TNS3: variants seen among roughly 807,000 people sequenced by gnomAD.
The protein encoded by TNS3 is tensin 3, also known as tensin-3.
A neutral mutation model predicts 140.9 loss-of-function variants in TNS3; 45 were observed. The ratio of observed to expected loss-of-function variants is 0.32; its 90% confidence interval spans 0.25 to 0.41. The LOEUF is 0.41. TNS3 is among the 10% of genes least tolerant of loss of function. TNS3 has a pLI of 1.00. For synonymous variants in TNS3, 815 were observed against 788.4 expected (o/e 1.03, Z -0.56); for missense variants, 1,716 against 1,906.7 (o/e 0.90, Z 1.86).
In TNS3 at chr7:47,294,453, TGA is replaced by T. The variant is rs1785890785; in HGVS notation, c.3677-627_3677-626del. Reference sequence around the variant, plus strand: ...AAAGCCACTGAATGGCAAAACTATCTGAGAGTGGAAAAGTACAAACAGCACAA... The same window carrying T: ...AAAGCCACTGAATGGCAAAACTATCTGAGTGGAAAAGTACAAACAGCACAA... On this transcript the variant is annotated intron_variant, in intron 24 of 30. Transcript: ENST00000311160. Among the ~76,000 whole-genome samples the T allele has an allele frequency of 2.0e-5, 3 of 152,306 alleles. No homozygotes were observed. The South Asian group carries it at 6.2e-4, about 32-fold the overall frequency.
chr7:47,509,148 G>C (rs1311379000), intron 2 of TNS3, among the ~76,000 whole-genome samples: 1 of 152,246 alleles, frequency 6.6e-6, no homozygotes, highest in Non-Finnish European at 1.5e-5. Flanking sequence ...AAGGGTGGCA[G>C]TGGTATGATA....
chr7:47,385,249 G>A (rs777165810), intron 16 of TNS3, among the ~76,000 whole-genome samples: 3 of 152,138 alleles, frequency 2.0e-5, no homozygotes, highest in Admixed American at 1.3e-4. Context: ...ATTCACAGCC[G>A]GCGACCAAGC....
chr7:47,413,896 C>T (rs373712427), intron 12 of TNS3, 41 bp downstream of exon 12: 3 of 1,612,240 alleles, frequency 1.9e-6, no homozygotes, highest in Non-Finnish European at 8.5e-7. Context: ...CCTGAGCCGT[C>T]CAGGTCCCAC....
At chr7:47,474,605 CAA>C (rs1797102371) in intron 4 of TNS3, among the ~76,000 whole-genome samples, 1 of 148,022 alleles carries the variant, frequency 6.8e-6, no homozygotes, top group East Asian at 2.1e-4. Context: ...ACCTCACACA[CAA>C]AACACCTCAC....
intron 22 of TNS3, 32 bp downstream of exon 22, chr7:47,302,918 G>A (rs543037769): frequency 6.4e-7 from 1 of 1,565,848 alleles, no homozygotes; most frequent in African/African-American, 1.4e-5. Flanking sequence ...ATGGACAGAG[G>A]GGCCCTTCCA....
chr7:47,536,734 C>A (rs2151955997), intron 1 of TNS3, among the ~76,000 whole-genome samples: 1 of 152,334 alleles, frequency 6.6e-6, no homozygotes, highest in Admixed American at 6.5e-5. Context: ...TGCGCGTGCA[C>A]ACACAAGGGT....
intron 8 of TNS3, among the ~76,000 whole-genome samples, chr7:47,430,130 T>TC (rs1491261869): frequency 1.7e-4 from 22 of 128,422 alleles, no homozygotes; most frequent in Non-Finnish European, 2.9e-4. Context: ...TCTTTTCTTT[T>TC]CTTTTTTTTT....
At chr7:47,428,068 C>T (rs558157175) in intron 9 of TNS3, among the ~76,000 whole-genome samples, 114 of 152,070 alleles carry the variant, frequency 7.5e-4, no homozygotes, top group Admixed American at 1.5e-3. Context: ...TTTTTTAATG[C>T]CTCCATGGAA....
intron 1 of TNS3, among the ~76,000 whole-genome samples, chr7:47,544,218 G>A (rs1584840766): frequency 6.6e-6 from 1 of 151,126 alleles, no homozygotes; most frequent in African/African-American, 2.4e-5. Flanking sequence ...CTGGTGCCAA[G>A]AGGAGCATCT....
chr7:47,482,643 C>T (rs1487177487), intron 3 of TNS3, among the ~76,000 whole-genome samples: 1 of 152,144 alleles, frequency 6.6e-6, no homozygotes, highest in Non-Finnish European at 1.5e-5. Context: ...TGTTGCCTCA[C>T]TCCACATGTG....
chr7:47,286,170 A>C (rs1184185937), intron 27 of TNS3, among the ~76,000 whole-genome samples: 1 of 152,224 alleles, frequency 6.6e-6, no homozygotes, highest in African/African-American at 2.4e-5. Context: ...GCACAATCTC[A>C]ATCAGTTCAC....
At chr7:47,533,123 A>AT (rs35691609) in intron 1 of TNS3, among the ~76,000 whole-genome samples, 1 of 88,818 alleles carries the variant, frequency 1.1e-5, no homozygotes, top group African/African-American at 6.2e-5. Flanking sequence ...ATATATATAT[A>AT]TTTTTTTTTT....
intron 20 of TNS3, among the ~76,000 whole-genome samples, chr7:47,321,549 G>C (rs888064437): frequency 6.6e-6 from 1 of 152,192 alleles, no homozygotes; most frequent in Middle Eastern, 3.2e-3. Context: ...AACAAGTGAT[G>C]TTCCAATTAA....
At chr7:47,505,376 C>A (rs935714373) in intron 3 of TNS3, among the ~76,000 whole-genome samples, 7 of 152,214 alleles carry the variant, frequency 4.6e-5, no homozygotes. Flanking sequence ...AAACCACGGT[C>A]AGAAATCAGC....
chr7:47,280,887 T>A (rs1785110552), intron 28 of TNS3, among the ~76,000 whole-genome samples: 1 of 151,178 alleles, frequency 6.6e-6, no homozygotes, highest in Non-Finnish European at 1.5e-5. Flanking sequence ...CACTCCAGCT[T>A]GGGCGACAGA....
At chr7:47,309,985 A>G (rs544172155) in intron 20 of TNS3, among the ~76,000 whole-genome samples, 35 of 152,226 alleles carry the variant, frequency 2.3e-4, no homozygotes, top group Non-Finnish European at 3.8e-4. Context: ...CAGGAGATCC[A>G]TGGCCATTTT....
intron 7 of TNS3, among the ~76,000 whole-genome samples, chr7:47,436,110 T>C (rs1227099628): frequency 6.6e-6 from 1 of 152,184 alleles, no homozygotes; most frequent in Non-Finnish European, 1.5e-5. Context: ...GTAAGACTGT[T>C]GGAAATTTCA....
intron 7 of TNS3, 106 bp from the exon 8 acceptor site, chr7:47,435,510 G>T: frequency 6.6e-7 from 1 of 1,515,030 alleles, no homozygotes; most frequent in Non-Finnish European, 9.0e-7. Flanking sequence ...TGGGAGTAAA[G>T]AACATGCTGG....
chr7:47,299,340 A>G (rs999209084), intron 23 of TNS3, among the ~76,000 whole-genome samples: 1 of 151,660 alleles, frequency 6.6e-6, no homozygotes, highest in Non-Finnish European at 1.5e-5. Flanking sequence ...GGGTCTCACT[A>G]TGTTGCCCAG....
Sources: allele counts gnomAD v4.1 joint callset (sites outside exome capture counted in the v4.1 genomes callset), GRCh38; gene constraint gnomAD v4.1.1; transcripts MANE v1.5; gene names NCBI Gene and HGNC (gene_info 2026-07-23, HGNC 2026-07-21).